Variants in CADM2 observed in about 807,000 individuals in gnomAD.
The protein encoded by CADM2 is cell adhesion molecule 2.
A neutral mutation model predicts 49.8 loss-of-function variants in CADM2; 12 were observed. The observed-to-expected ratio is 0.24, with a 90% confidence interval of 0.15 to 0.39. The LOEUF is 0.39. CADM2 is among the 10% of genes least tolerant of loss of function. The pLI is 1.00. For missense variants in CADM2, 378 were observed against 492.3 expected, an observed-to-expected ratio of 0.77 and a Z score of 2.20; for synonymous variants, 214 against 175.4, an observed-to-expected ratio of 1.22 and a Z score of -1.74.
intron 1 of CADM2, among the ~76,000 whole-genome samples, chr3:84,982,857 T>C (rs970248762): frequency 1.5e-4 from 22 of 151,474 alleles, no homozygotes; most frequent in African/African-American, 5.1e-4. Context: ...GCGATTCTCC[T>C]GCACCAGCCT....
At chr3:85,232,585 A>G (rs2042319095) in intron 1 of CADM2, among the ~76,000 whole-genome samples, 1 of 152,200 alleles carries the variant, frequency 6.6e-6, no homozygotes, top group Non-Finnish European at 1.5e-5. Context: ...TAAGAAGACA[A>G]ACAACCCAAT....
intron 1 of CADM2, among the ~76,000 whole-genome samples, chr3:85,532,380 A>T (rs999694589): frequency 1.1e-4 from 16 of 151,854 alleles, no homozygotes; most frequent in African/African-American, 2.7e-4. Flanking sequence ...CCTGGAGCAA[A>T]TTTTTTTTAT....
chr3:85,214,814 A>T (rs572316775), intron 1 of CADM2, among the ~76,000 whole-genome samples: 1 of 152,010 alleles, frequency 6.6e-6, no homozygotes, highest in Non-Finnish European at 1.5e-5. Flanking sequence ...GTCAGCTTGC[A>T]GTGAATGCTG....
chr3:84,993,296 G>C (rs1486071940), intron 1 of CADM2, among the ~76,000 whole-genome samples: 1 of 152,074 alleles, frequency 6.6e-6, no homozygotes, highest in Non-Finnish European at 1.5e-5. Context: ...TGACAAAAGG[G>C]ATTTAGCGTA....
chr3:85,699,984 G>T (rs192999691), intron 1 of CADM2, among the ~76,000 whole-genome samples: 1 of 152,198 alleles, frequency 6.6e-6, no homozygotes, highest in African/African-American at 2.4e-5. Context: ...CCCATTACTG[G>T]CTATATACCC....
At chr3:85,548,877 A>G (rs1167159547) in intron 1 of CADM2, among the ~76,000 whole-genome samples, 1 of 152,222 alleles carries the variant, frequency 6.6e-6, no homozygotes, top group South Asian at 2.1e-4. Flanking sequence ...ATGTGAATTT[A>G]TTAAAAGTAG....
intron 5 of CADM2, among the ~76,000 whole-genome samples, chr3:85,907,630 G>T (rs146902339): frequency 6.0e-4 from 91 of 152,222 alleles, no homozygotes; most frequent in African/African-American, 2.0e-3. Flanking sequence ...GAAGGTATTG[G>T]CTGGACACGG....
At chr3:85,225,176 A>G (rs376364169) in intron 1 of CADM2, among the ~76,000 whole-genome samples, 84 of 152,266 alleles carry the variant, frequency 5.5e-4, no homozygotes, top group African/African-American at 2.0e-3. Flanking sequence ...CGTTGAATCC[A>G]TCAATTACTT....
chr3:85,549,480 G>A (rs756112290), intron 1 of CADM2, among the ~76,000 whole-genome samples: 17 of 152,096 alleles, frequency 1.1e-4, no homozygotes, highest in Non-Finnish European at 1.5e-5. Flanking sequence ...GCCTAACAGA[G>A]TTTGCCATAG....
At chr3:85,913,638 C>T (rs1332825269) in intron 6 of CADM2, among the ~76,000 whole-genome samples, 1 of 152,068 alleles carries the variant, frequency 6.6e-6, no homozygotes, top group African/African-American at 2.4e-5. Flanking sequence ...GAGTTTGTCT[C>T]CAAGTGTCAA....
chr3:85,044,144 C>A (rs931088375), intron 1 of CADM2, among the ~76,000 whole-genome samples: 9 of 152,098 alleles, frequency 5.9e-5, no homozygotes, highest in African/African-American at 1.9e-4. Context: ...TGTCCTTCCA[C>A]CTAATACTAC....
At chr3:85,957,364 A>G (rs1409750814) in intron 7 of CADM2, among the ~76,000 whole-genome samples, 2 of 151,622 alleles carry the variant, frequency 1.3e-5, no homozygotes, top group Non-Finnish European at 2.9e-5. Context: ...TAGTTTCTTC[A>G]CTTGTTATCA....
chr3:85,204,353 A>G (rs1162759389), intron 1 of CADM2, among the ~76,000 whole-genome samples: 1 of 152,122 alleles, frequency 6.6e-6, no homozygotes, highest in Non-Finnish European at 1.5e-5. Context: ...AATAATATGT[A>G]CCTTGCCACT....
chr3:85,819,393 T>C lies in CADM2; in HGVS notation c.238+17197T>C, dbSNP rs147920790. ...ATTTGCATCCTTCAATCCAATCAGG[T>C]TGACACTTAATATTAACCATCACAG... On this transcript the variant is annotated intron_variant, in intron 3 of 9. Transcript: ENST00000383699. Among the ~76,000 whole-genome samples the C allele has an allele frequency of 3.9e-3, 594 of 152,210 alleles. 4 individuals carry two copies. The highest frequency in any genetic ancestry group is 0.014 in the African/African-American group (567 of 41,546).
At chr3:85,331,979 G>T (rs545559298) in intron 1 of CADM2, among the ~76,000 whole-genome samples, 1 of 151,996 alleles carries the variant, frequency 6.6e-6, no homozygotes, top group African/African-American at 2.4e-5. Context: ...AGTACAAAAG[G>T]TCAACACCTT....
chr3:85,359,666 A>ATATATATATATATTTT, intron 1 of CADM2, among the ~76,000 whole-genome samples: 11 of 26,544 alleles, frequency 4.1e-4, no homozygotes, highest in African/African-American at 5.3e-4. Flanking sequence ...ATATATATAT[A>ATATATATATATATTTT]TTTTTTTTTT....
chr3:85,772,281 A>G (rs1183474082), intron 2 of CADM2, among the ~76,000 whole-genome samples: 1 of 151,998 alleles, frequency 6.6e-6, no homozygotes, highest in Non-Finnish European at 1.5e-5. Flanking sequence ...CTTTTTACTA[A>G]AACTAACTCT....
intron 1 of CADM2, among the ~76,000 whole-genome samples, chr3:85,244,149 A>G (rs1326014695): frequency 6.6e-6 from 1 of 152,154 alleles, no homozygotes; most frequent in East Asian, 1.9e-4. Context: ...TATGTATAAA[A>G]GTCATTTTAT....
intron 1 of CADM2, among the ~76,000 whole-genome samples, chr3:85,316,885 G>A (rs553406224): frequency 3.9e-5 from 6 of 152,136 alleles, no homozygotes; most frequent in Non-Finnish European, 7.4e-5. Context: ...AACAGGATGC[G>A]AAGGGCACAG....
Sources: gnomAD v4.1 joint callset for allele counts (sites outside exome capture counted in the v4.1 genomes callset) on GRCh38, gnomAD v4.1.1 for gene constraint, MANE v1.5 for transcripts, NCBI Gene and HGNC (gene_info 2026-07-23, HGNC 2026-07-21) for gene names.